Variants in ZNF536 observed in about 807,000 individuals in gnomAD.
ZNF536 encodes zinc finger protein 536.
A neutral mutation model predicts 84.5 loss-of-function variants in ZNF536; 13 were observed. The ratio of observed to expected loss-of-function variants is 0.15; its 90% CI spans 0.10 to 0.24. ZNF536 has a LOEUF of 0.24. ZNF536 is among the 10% of genes least tolerant of loss of function. The pLI, the probability that ZNF536 is intolerant of heterozygous loss-of-function variation, is 1.00. For missense variants in ZNF536, 1,536 were observed against 1,747.5 expected (o/e 0.88, Z 2.16); for synonymous variants, 811 against 742.5 (o/e 1.09, Z -1.50).
chr19:30,462,029 C>T (rs2053162136), intron 2 of ZNF536, among the ~76,000 whole-genome samples: 2 of 152,128 alleles, frequency 1.3e-5, no homozygotes, highest in Admixed American at 1.3e-4. Context: ...CAGGGCAGTC[C>T]ATGGGGTTGT....
intron 2 of ZNF536, among the ~76,000 whole-genome samples, chr19:30,352,175 T>C (rs1275510593): frequency 6.6e-6 from 1 of 152,214 alleles, no homozygotes; most frequent in East Asian, 1.9e-4. Context: ...TGCTAGGCAG[T>C]ATTTAGCTTC....
chr19:30,345,175 G>A (rs1020858783), intron 2 of ZNF536, among the ~76,000 whole-genome samples: 4 of 152,210 alleles, frequency 2.6e-5, no homozygotes, highest in African/African-American at 9.7e-5. Flanking sequence ...GAGGAAACTG[G>A]GGCCGGAGAG....
chr19:30,411,190 C>T (rs948440668), intron 1 of ZNF536, among the ~76,000 whole-genome samples: 1 of 152,168 alleles, frequency 6.6e-6, no homozygotes, highest in African/African-American at 2.4e-5. Context: ...ACGGTATGCA[C>T]ATTTAAAATT....
chr19:30,393,335 A>T (rs1390414900), intron 1 of ZNF536, among the ~76,000 whole-genome samples: 2 of 152,158 alleles, frequency 1.3e-5, no homozygotes, highest in Non-Finnish European at 2.9e-5. Context: ...ATCCAAGAAG[A>T]GGGTCTGATT....
At chr19:30,366,626 A>G (rs1356485458) in intron 3 of ZNF536, among the ~76,000 whole-genome samples, 2 of 143,888 alleles carry the variant, frequency 1.4e-5, no homozygotes, top group East Asian at 4.0e-4. Flanking sequence ...CTATCTATCT[A>G]TCATCTATCC....
At chr19:30,446,793 C>T (rs1038817311) in intron 2 of ZNF536, among the ~76,000 whole-genome samples, 1 of 144,626 alleles carries the variant, frequency 6.9e-6, no homozygotes, top group Non-Finnish European at 1.5e-5. Flanking sequence ...CTTCCTGGCC[C>T]AGTTTAAAAA....
intron 1 of ZNF536, among the ~76,000 whole-genome samples, chr19:30,660,359 T>A (rs1041089918): frequency 6.6e-6 from 1 of 152,180 alleles, no homozygotes; most frequent in Non-Finnish European, 1.5e-5. Context: ...AGAAGCCATC[T>A]CTGATGTTGG....
At position 30,445,921 on chromosome 19, in the gene ZNF536, T is replaced by A. The variant is rs2148242955; in HGVS notation, c.2170+189T>A. Among the ~76,000 whole-genome samples, 1 of 152,090 alleles carries A rather than the reference T, an allele frequency of 6.6e-6. No homozygotes were observed. Among genetic ancestry groups the A allele is most frequent in the African/African-American group, 2.4e-5 (1 of 41,490 alleles). Reference sequence around the variant, plus strand: ...GGAGGGAAAGGGCCGTCCTTTCACCTCTTAGGCCTTCCCTTGAACACTGGC... The same window carrying A: ...GGAGGGAAAGGGCCGTCCTTTCACCACTTAGGCCTTCCCTTGAACACTGGC... On this transcript the variant is annotated intron_variant, in intron 2 of 4. Coordinates refer to ENST00000355537, the MANE Select transcript of ZNF536 (RefSeq NM_014717.3). This position sits in a 1 kb window ranked among gnomAD's most constrained non-coding sequence, Gnocchi z 4.5.
intron 2 of ZNF536, chr19:30,284,202 C>A (rs1056336324): frequency 3.9e-5 from 6 of 152,256 alleles, no homozygotes; most frequent in Admixed American, 3.9e-4. Context: ...TGGGGAAGTC[C>A]AGGCTGCCTT....
intron 1 of ZNF536, among the ~76,000 whole-genome samples, chr19:30,433,118 A>G (rs920060156): frequency 3.3e-5 from 5 of 152,194 alleles, no homozygotes; most frequent in African/African-American, 9.6e-5. Flanking sequence ...TACAAGCTCC[A>G]TATACATTTT....
chr19:30,467,486 A>G (rs1293127087), intron 2 of ZNF536, among the ~76,000 whole-genome samples: 5 of 152,134 alleles, frequency 3.3e-5, no homozygotes, highest in Non-Finnish European at 7.3e-5. Flanking sequence ...TATTGTATGC[A>G]TATCCCGAAT....
chr19:30,453,795 A>T (rs2052715861), intron 2 of ZNF536, among the ~76,000 whole-genome samples: 1 of 152,254 alleles, frequency 6.6e-6, no homozygotes, highest in Admixed American at 6.5e-5. Context: ...TCCAGGCAGA[A>T]TTCATTTGCC....
chr19:30,657,110 G>A (rs183382787), intron 1 of ZNF536, among the ~76,000 whole-genome samples: 16 of 152,210 alleles, frequency 1.1e-4, no homozygotes, highest in Non-Finnish European at 1.6e-4. Context: ...ATGTCCCTGC[G>A]TTTTCCCAGT....
chr19:30,553,167 G>C (rs1045328638), intron 4 of ZNF536, among the ~76,000 whole-genome samples: 1 of 152,210 alleles, frequency 6.6e-6, no homozygotes, highest in Non-Finnish European at 1.5e-5. Flanking sequence ...TAATGGGATA[G>C]ACTCCACATG....
chr19:30,283,196 T>G (rs1358835013), intron 1 of ZNF536, among the ~76,000 whole-genome samples: 1 of 152,240 alleles, frequency 6.6e-6, no homozygotes, highest in Admixed American at 6.5e-5. Context: ...CAGTAAAATA[T>G]AATTTATTAA....
chr19:30,264,464 C>T (rs1310602250), intron 1 of ZNF536, among the ~76,000 whole-genome samples: 1 of 145,018 alleles, frequency 6.9e-6, no homozygotes, highest in Non-Finnish European at 1.5e-5. Flanking sequence ...TGTTATTGTT[C>T]AGGGCCAGAG....
chr19:30,293,367 T>C (rs1265954329), intron 2 of ZNF536, among the ~76,000 whole-genome samples: 3 of 152,216 alleles, frequency 2.0e-5, no homozygotes, highest in Non-Finnish European at 4.4e-5. Flanking sequence ...AAGTCTTAAT[T>C]GATTTTACAT....
rs1447528201 is a variant in ZNF536 at position 30,290,511 on chromosome 19, A to G, written c.-120+6370A>G. On this transcript the variant is annotated intron_variant, in intron 2 of 5. Coordinates refer to the ZNF536 transcript ENST00000585628. ...GCACTTGAACTTCTGGGCTCGAATC[A>G]TCTGCCAGCCTCAGCCTCCCAAAGT... Among the ~76,000 whole-genome samples, 5 of 152,250 alleles carry G rather than the reference A, an allele frequency of 3.3e-5. No homozygotes were observed. In the East Asian group the frequency reaches 9.7e-4, roughly 29 times the overall value.
chr19:30,664,869 G>A (rs757237894), intron 1 of ZNF536, among the ~76,000 whole-genome samples: 3 of 152,158 alleles, frequency 2.0e-5, no homozygotes, highest in African/African-American at 4.8e-5. Context: ...TGGGCTGCCA[G>A]CCCAGTTCTT....
Sources: gnomAD v4.1 joint callset for allele counts (sites outside exome capture counted in the v4.1 genomes callset) on GRCh38, gnomAD v4.1.1 for gene constraint, Gnocchi (gnomAD v3.1) non-coding constraint, MANE v1.5 for transcripts, NCBI Gene and HGNC (gene_info 2026-07-23, HGNC 2026-07-21) for gene names.